Variants in GALNT17 observed in about 807,000 individuals in gnomAD.
The protein encoded by GALNT17 is UDP-GalNAc:polypeptide N-acetylgalactosaminyltransferase-like 3.
Under a neutral mutation model 63.7 loss-of-function variants are expected in GALNT17, and 29 were observed. That is an observed-to-expected ratio of 0.46 (90% CI 0.34 to 0.62). The LOEUF (loss-of-function observed/expected upper bound fraction) is 0.62, where lower values mean the gene tolerates loss of function less well. Ranked by LOEUF, GALNT17 falls within the 20% of genes least tolerant of loss-of-function variation. The pLI is 0.01. For missense variants in GALNT17, 603 were observed against 799.6 expected, an observed-to-expected ratio of 0.75 and a Z score of 2.97; for synonymous variants, 305 against 318.3, an observed-to-expected ratio of 0.96 and a Z score of 0.45.
At chr7:71,227,510 G>T (rs190663277) in intron 1 of GALNT17, among the ~76,000 whole-genome samples, 9 of 152,188 alleles carry the variant, frequency 5.9e-5, no homozygotes, top group Admixed American at 5.9e-4. Flanking sequence ...GCATTTCATG[G>T]ACACACAATT....
intron 2 of GALNT17, among the ~76,000 whole-genome samples, chr7:71,360,210 A>C (rs572552464): frequency 6.6e-6 from 1 of 152,232 alleles, no homozygotes; most frequent in Non-Finnish European, 1.5e-5. Flanking sequence ...ACTGAATACA[A>C]TTTGATATCT....
chr7:71,197,956 G>C (rs1789087116), intron 1 of GALNT17, among the ~76,000 whole-genome samples: 1 of 152,044 alleles, frequency 6.6e-6, no homozygotes, highest in Non-Finnish European at 1.5e-5. Context: ...CCAGCACTTT[G>C]GGAGGCCGAG....
chr7:71,699,771 G>GTT (rs1200763860), intron 9 of GALNT17, among the ~76,000 whole-genome samples: 1 of 144,900 alleles, frequency 6.9e-6, no homozygotes, highest in African/African-American at 2.6e-5. Flanking sequence ...CTGTCTCTAT[G>GTT]ATTTTTTTTT....
intron 1 of GALNT17, among the ~76,000 whole-genome samples, chr7:71,250,246 G>A (rs1008948518): frequency 2.6e-5 from 4 of 151,916 alleles, no homozygotes; most frequent in Non-Finnish European, 4.4e-5. Context: ...GATGCCATAG[G>A]CTCTTGAGGG....
intron 5 of GALNT17, among the ~76,000 whole-genome samples, chr7:71,465,922 A>G (rs886807737): frequency 7.9e-5 from 12 of 152,216 alleles, no homozygotes; most frequent in African/African-American, 2.9e-4. Context: ...GAAGTCTCAC[A>G]TGGTAGCAGC....
intron 5 of GALNT17, among the ~76,000 whole-genome samples, chr7:71,476,855 G>GT (rs1455159709): frequency 2.0e-5 from 3 of 152,182 alleles, no homozygotes; most frequent in Non-Finnish European, 4.4e-5. Context: ...TCAGAGTCCT[G>GT]TAAGGGACCT....
intron 1 of GALNT17, among the ~76,000 whole-genome samples, chr7:71,224,234 G>A (rs778990184): frequency 3.3e-5 from 5 of 151,950 alleles, no homozygotes; most frequent in Non-Finnish European, 7.4e-5. Context: ...TTTAGTAAAC[G>A]GAGTTTTGCC....
intron 6 of GALNT17, among the ~76,000 whole-genome samples, chr7:71,615,933 G>C (rs754403185): frequency 2.0e-5 from 3 of 152,136 alleles, no homozygotes; most frequent in Admixed American, 1.3e-4. Context: ...AGGAGGTGTC[G>C]TCTTGCCCAC....
At chr7:71,155,352 C>T (rs1788215175) in intron 1 of GALNT17, among the ~76,000 whole-genome samples, 2 of 151,736 alleles carry the variant, frequency 1.3e-5, no homozygotes, top group Admixed American at 1.3e-4. Flanking sequence ...CGGCTCACTG[C>T]ACCCCCAACC....
chr7:71,682,366 C>T (rs1285122002), intron 9 of GALNT17, among the ~76,000 whole-genome samples: 2 of 150,546 alleles, frequency 1.3e-5, no homozygotes, highest in African/African-American at 2.4e-5. Context: ...GTGATGCCTA[C>T]ACCTCCAGAC....
At chr7:71,204,693 G>A (rs1789238430) in intron 1 of GALNT17, among the ~76,000 whole-genome samples, 1 of 151,426 alleles carries the variant, frequency 6.6e-6, no homozygotes, top group Non-Finnish European at 1.5e-5. Flanking sequence ...AGCCACCTGA[G>A]TACCTGAAAC....
chr7:71,144,879 C>T (rs572121734), intron 1 of GALNT17, among the ~76,000 whole-genome samples: 1 of 152,266 alleles, frequency 6.6e-6, no homozygotes, highest in East Asian at 1.9e-4. Flanking sequence ...CAGGTGCATG[C>T]CACCATGCCA....
intron 5 of GALNT17, among the ~76,000 whole-genome samples, chr7:71,521,390 GC>G (rs1788527661): frequency 6.6e-6 from 1 of 152,154 alleles, no homozygotes; most frequent in Non-Finnish European, 1.5e-5. Context: ...GCAGGAAGAC[GC>G]CCTTTCCTTC....
chr7:71,656,906 A>G lies in GALNT17; in HGVS notation c.1081-8505A>G, dbSNP rs559910557. Among the ~76,000 whole-genome samples, 127 of 152,292 alleles carry G rather than the reference A, an allele frequency of 8.3e-4. 1 individual carries two copies. Among genetic ancestry groups the G allele is most frequent in the African/African-American group, 3.0e-3 (124 of 41,556 alleles). Reference sequence around the variant, plus strand: ...CGGGCCACCTGCTATAATAGCATGCAAGCTCTTTCAAGAGAGAGCTGCCCC... The same window carrying G: ...CGGGCCACCTGCTATAATAGCATGCGAGCTCTTTCAAGAGAGAGCTGCCCC... On this transcript the variant is annotated intron_variant, in intron 6 of 10. Transcript: ENST00000333538.
intron 1 of GALNT17, among the ~76,000 whole-genome samples, chr7:71,223,112 C>T (rs1311247210): frequency 1.3e-5 from 2 of 152,144 alleles, no homozygotes; most frequent in Admixed American, 6.5e-5. Context: ...CAGGTTTTTC[C>T]TGTAAAGTTA....
chr7:71,517,117 TAGGC>T (rs1345638666), intron 5 of GALNT17, among the ~76,000 whole-genome samples: 1 of 152,222 alleles, frequency 6.6e-6, no homozygotes, highest in African/African-American at 2.4e-5. Context: ...TACCATGGAC[TAGGC>T]AGCTTAAACA....
rs200146375 is a variant in GALNT17, at chr7:71,450,139, A to T, written c.962+29034A>T. On this transcript the variant is annotated intron_variant, in intron 5 of 10. Transcript: ENST00000333538. ...GTTTATTAGTTGTTAGTATTTAAAG[A>T]TTTTTTTTTTTTTTTTGAGACAGTC... is the stretch of plus-strand genomic sequence containing the variant. Among the ~76,000 whole-genome samples, 271 of 130,086 alleles carry T rather than the reference A, an allele frequency of 2.1e-3. 3 individuals carry two copies. Among genetic ancestry groups the T allele is most frequent in the Middle Eastern group, 0.016 (4 of 244 alleles). 85.3% of individuals were successfully genotyped at this position (130,086 alleles called of 152,430 possible).
At chr7:71,529,132 C>T (rs1176858595) in intron 5 of GALNT17, among the ~76,000 whole-genome samples, 1 of 151,852 alleles carries the variant, frequency 6.6e-6, no homozygotes, top group African/African-American at 2.4e-5. Context: ...AAGACTCTGT[C>T]TCAATTAAAA....
intron 1 of GALNT17, among the ~76,000 whole-genome samples, chr7:71,225,791 A>G (rs1789669737): frequency 6.6e-6 from 1 of 152,202 alleles, no homozygotes; most frequent in Admixed American, 6.5e-5. Context: ...ATAATGGGCA[A>G]TTGATTAAGT....
Sources: gnomAD v4.1 joint callset for allele counts (sites outside exome capture counted in the v4.1 genomes callset) on GRCh38, gnomAD v4.1.1 for gene constraint, MANE v1.5 for transcripts, NCBI Gene and HGNC (gene_info 2026-07-23, HGNC 2026-07-21) for gene names.